The following NFATC1 variants were observed in gnomAD, a reference collection of about 807,000 sequenced individuals.
NFATC1 encodes the protein nuclear factor of activated T-cells, cytoplasmic 1.
In NFATC1, 22 loss-of-function variants were observed where a neutral mutation model predicts 76.0. The observed-to-expected ratio is 0.29, with a 90% CI of 0.21 to 0.41. The LOEUF (loss-of-function observed/expected upper bound fraction) is 0.41. Ranked by LOEUF, NFATC1 falls within the 10% of genes least tolerant of loss-of-function variation. NFATC1 has a pLI of 1.00. For missense variants in NFATC1, 1,357 were observed against 1,337.7 expected, an observed-to-expected ratio of 1.01 and a Z score of -0.23; for synonymous variants, 704 against 613.1, an observed-to-expected ratio of 1.15 and a Z score of -2.19.
intron 9 of NFATC1, among the ~76,000 whole-genome samples, chr18:79,499,482 T>C (rs926385998): frequency 1.3e-5 from 2 of 152,158 alleles, no homozygotes; most frequent in Non-Finnish European, 2.9e-5. Context: ...ACAAGACATG[T>C]AGAGAACAAA....
rs1221557943 is a variant in NFATC1 at position 79,509,150 on chromosome 18, G to A, written c.2783-18378G>A. Among the ~76,000 whole-genome samples, 4 of 152,370 alleles carry A rather than the reference G, an allele frequency of 2.6e-5. No individual in the cohort carries two copies. The East Asian group carries it at 5.8e-4, about 22-fold the overall frequency. On this transcript the variant is annotated intron_variant, in intron 9 of 9. Coordinates refer to ENST00000427363, the MANE Select transcript of NFATC1 (RefSeq NM_001278669.2). ...TCCGCAGAGGTGTGTGGGCTCCGGG[G>A]AGAGGGACGTGCTGGCCCCTGTGCA...
At position 79,406,296 on chromosome 18, in the gene NFATC1, A is replaced by C. The variant is rs114958041; in HGVS notation, c.128-4107A>C. Among the ~76,000 whole-genome samples the C allele has an allele frequency of 7.4e-3, 1,130 of 152,342 alleles. 15 individuals are homozygous for C. The highest frequency in any genetic ancestry group is 0.025 in the African/African-American group (1,026 of 41,576). On this transcript the variant is annotated intron_variant, in intron 1 of 9. Coordinates refer to ENST00000427363, the MANE Select transcript of NFATC1 (RefSeq NM_001278669.2). ...AGGAAGTGTAGGAATCTGTACATGA[A>C]TCAATTGCAGTTAAGCCCCCTTTGA...
intron 8 of NFATC1, among the ~76,000 whole-genome samples, chr18:79,484,042 A>G (rs1199406537): frequency 6.6e-6 from 1 of 151,380 alleles, no homozygotes; most frequent in Non-Finnish European, 1.5e-5. Flanking sequence ...CTGGGGTGTC[A>G]TTCCAGGGTG....
Position 79,475,529 on chromosome 18 carries a change from C to T in NFATC1, c.2092+7947C>T, listed in dbSNP as rs190499679. On this transcript the variant is annotated intron_variant, in intron 8 of 9. Transcript: ENST00000427363. ...GGAAGCGTGTTCTCATGCTCACCGT[C>T]GACACTGTAAACCTGAGTGAAGTGT... Among the ~76,000 whole-genome samples the T allele has an allele frequency of 4.0e-5, 6 of 151,716 alleles. No individual in the cohort carries two copies. The East Asian group carries it at 9.8e-4, about 25-fold the overall frequency.
chr18:79,449,371 A>G (rs925298819), intron 4 of NFATC1, among the ~76,000 whole-genome samples: 2 of 152,250 alleles, frequency 1.3e-5, no homozygotes, highest in African/African-American at 4.8e-5. Flanking sequence ...TTCCGACAAC[A>G]CGGATAGGCC....
intron 2 of NFATC1, among the ~76,000 whole-genome samples, 169 bp downstream of exon 2, chr18:79,411,670 C>G (rs1159785289): frequency 2.0e-5 from 3 of 152,174 alleles, no homozygotes; most frequent in Non-Finnish European, 4.4e-5. Context: ...GAGTCTGTCC[C>G]CATGTCTGCC....
rs756675542 is a variant in NFATC1, at chr18:79,486,548, C to T, written c.2393C>T (p.Pro798Leu). ...CTCCCGCAGCCGGCCGGAGAGGCCC[C>T]CGCCGTCCAGGACGTGCCCAGGCCA... The part of the protein sequence containing the change: ...LGLPQPAGEA[P>L]AVQDVPRPVA... The change falls in exon 9 of 10, where the codon CCC (proline) becomes CTC (leucine). Residue 798 changes from proline (P) to leucine (L), a missense_variant. Physicochemically the swap from Pro to Leu is moderately conservative, Grantham distance 98. This residue lies in a region of NFATC1 where 424 missense variants were observed against 395.4 expected (regional missense o/e 1.07). Coordinates refer to ENST00000427363, the MANE Select transcript of NFATC1 (RefSeq NM_001278669.2). The T allele has an allele frequency of 3.8e-6, 6 of 1,595,812 alleles. No homozygotes were observed. The highest frequency in any genetic ancestry group is 2.2e-5 in the East Asian group (1 of 44,578).
intron 1 of NFATC1, among the ~76,000 whole-genome samples, chr18:79,404,925 C>G (rs915891804): frequency 1.3e-5 from 2 of 152,194 alleles, no homozygotes; most frequent in African/African-American, 2.4e-5. Flanking sequence ...ATGTCAGGCA[C>G]CGATACAGTT....
At chr18:79,441,619 T>C (rs2086978495) in intron 3 of NFATC1, among the ~76,000 whole-genome samples, 1 of 152,056 alleles carries the variant, frequency 6.6e-6, no homozygotes, top group Non-Finnish European at 1.5e-5. Context: ...TGGGGAGAAG[T>C]GCTGAGCGGA....
chr18:79,496,753 T>C (rs969992794), intron 9 of NFATC1: 1 of 152,294 alleles, frequency 6.6e-6, no homozygotes, highest in African/African-American at 2.4e-5. Flanking sequence ...CCTAGGCTCG[T>C]CCTGGACGTG....
In NFATC1 at chr18:79,465,110, GC is replaced by G. The variant is rs1029557817; in HGVS notation, c.1960-2339del. Among the ~76,000 whole-genome samples the G allele has an allele frequency of 1.8e-4, 27 of 152,286 alleles. No individual in the cohort carries two copies. The highest frequency in any genetic ancestry group is 6.3e-4 in the African/African-American group (26 of 41,554). On this transcript the variant is annotated intron_variant, in intron 7 of 9. Coordinates refer to ENST00000427363, the MANE Select transcript of NFATC1 (RefSeq NM_001278669.2). This position sits in a 1 kb window ranked among gnomAD's most constrained non-coding sequence, Gnocchi z 4.2. ...TCAACAGTGGAGTTTAAAGCAGGTTGCGTAGGTGCTGGTGCCATTTGGAACC... is the reference window on the plus strand; with the variant it reads ...TCAACAGTGGAGTTTAAAGCAGGTTGGTAGGTGCTGGTGCCATTTGGAACC...
chr18:79,485,748 G>A, intron 8 of NFATC1, among the ~76,000 whole-genome samples: 1 of 152,234 alleles, frequency 6.6e-6, no homozygotes, highest in East Asian at 1.9e-4. Context: ...CAGCCTCCAT[G>A]ACAGTGTTTT....
At chr18:79,499,144 G>A (rs757504355) in intron 9 of NFATC1, among the ~76,000 whole-genome samples, 44 of 152,198 alleles carry the variant, frequency 2.9e-4, no homozygotes, top group African/African-American at 1.0e-3. Context: ...CATAAGACAC[G>A]ATTGCAAACC....
At position 79,486,811 on chromosome 18, in the gene NFATC1, G is replaced by T; in HGVS notation, c.2656G>T (p.Glu886Ter). 1 of 1,611,474 alleles carries T rather than the reference G, an allele frequency of 6.2e-7. No homozygotes were observed. The highest frequency in any genetic ancestry group is 8.5e-7 in the Non-Finnish European group (1 of 1,179,344). ...CCTGCCGTCCACGGTCCGCAGGGAC[G>T]AGTCTCCGACTGCCGGGCCACGGCT... ...QHLPSTVRRD[E>*]SPTAGPRLLP... Residue 886 changes from glutamate to a stop codon, truncating the protein, a stop_gained, in exon 9 of 10, where the codon GAG becomes TAG. Transcript: ENST00000427363. LOFTEE classifies it high-confidence loss of function.
chr18:79,410,632 C>A lies in NFATC1; in HGVS notation c.357C>A (p.Arg119=), dbSNP rs1295695261. The A allele has an allele frequency of 3.1e-6, 5 of 1,613,250 alleles. No individual in the cohort carries two copies. The highest frequency in any genetic ancestry group is 1.7e-5 in the Admixed American group (1 of 60,020). The part of the protein sequence containing the change: ...PDGAPALESP[R]IEITSCLGLY... Reference sequence around the variant, plus strand: ...GGGCCCCTGCCCTGGAGAGTCCTCGCATCGAGATAACCTCGTGCTTGGGCC... The same window carrying A: ...GGGCCCCTGCCCTGGAGAGTCCTCGAATCGAGATAACCTCGTGCTTGGGCC... The change falls in exon 2 of 10, where the codon CGC becomes CGA. Residue 119 remains arginine (R), a synonymous_variant. Coordinates refer to ENST00000427363, the MANE Select transcript of NFATC1 (RefSeq NM_001278669.2). The surrounding 1 kb of genome is among the most constrained non-coding windows in gnomAD (Gnocchi z 6.7).
intron 8 of NFATC1, chr18:79,470,973 G>C (rs758881298): frequency 2.0e-5 from 3 of 152,228 alleles, no homozygotes; most frequent in Non-Finnish European, 4.4e-5. Flanking sequence ...CCCCATGAAC[G>C]GAGTGGGCAT....
chr18:79,484,582 A>G (rs2089440897), intron 8 of NFATC1, among the ~76,000 whole-genome samples: 1 of 152,194 alleles, frequency 6.6e-6, no homozygotes, highest in Non-Finnish European at 1.5e-5. Context: ...CTTTCTACTC[A>G]GAGGGTGGAT....
intron 6 of NFATC1, among the ~76,000 whole-genome samples, chr18:79,454,163 T>G (rs959377575): frequency 3.9e-5 from 6 of 152,144 alleles, no homozygotes; most frequent in Non-Finnish European, 1.5e-5. Context: ...GCAGTTGAAG[T>G]GGCTTCTCCA....
intron 2 of NFATC1, among the ~76,000 whole-genome samples, chr18:79,430,659 A>G (rs914034980): frequency 6.6e-6 from 1 of 152,244 alleles, no homozygotes; most frequent in African/African-American, 2.4e-5. Context: ...CTGGGATTAC[A>G]GGCATGAGCC....
Sources: gnomAD v4.1 joint callset for allele counts (sites outside exome capture counted in the v4.1 genomes callset) on GRCh38, gnomAD v4.1.1 for gene constraint, gnomAD v4.1.1 regional missense constraint, Gnocchi (gnomAD v3.1) non-coding constraint, MANE v1.5 for transcripts, NCBI Gene and HGNC (gene_info 2026-07-23, HGNC 2026-07-21) for gene names.